TXNRD3: variants seen among roughly 807,000 people sequenced by gnomAD.
TXNRD3 encodes the protein thioredoxin reductase 3.
In TXNRD3, 68 loss-of-function variants were observed where a neutral mutation model predicts 78.2. The ratio of observed to expected loss-of-function variants is 0.87; its 90% CI spans 0.72 to 1.06. The LOEUF is 1.06. Ranked by LOEUF, TXNRD3 falls within the 50% of genes least tolerant of loss-of-function variation. The probability of loss-of-function intolerance (pLI) is 0.00; values close to 1 mark genes in which losing one functional copy is unlikely to be tolerated. For synonymous variants in TXNRD3, 296 were observed against 300.1 expected (o/e 0.99, Z 0.14); for missense variants, 751 against 809.5 (o/e 0.93, Z 0.88).
intron 13 of TXNRD3, among the ~76,000 whole-genome samples, chr3:126,612,719 T>C (rs1161069320): frequency 6.6e-6 from 1 of 152,222 alleles, no homozygotes; most frequent in Non-Finnish European, 1.5e-5. Flanking sequence ...TTGTCAAATG[T>C]GGTTTTTCCT....
chr3:126,620,640 C>T (rs1938429300), intron 12 of TXNRD3, among the ~76,000 whole-genome samples: 1 of 152,168 alleles, frequency 6.6e-6, no homozygotes, highest in African/African-American at 2.4e-5. Context: ...TTTTACTACT[C>T]TTTCTGTCTT....
In TXNRD3 at chr3:126,634,622, G is replaced by A. The variant is rs547506364; in HGVS notation, c.713-571C>T. Among the ~76,000 whole-genome samples, 93 of 152,062 alleles carry A rather than the reference G, an allele frequency of 6.1e-4. 1 individual carries two copies. The highest frequency in any genetic ancestry group is 9.9e-4 in the Non-Finnish European group (67 of 67,998). On this transcript the variant is annotated intron_variant, in intron 6 of 15. Coordinates refer to ENST00000524230, the MANE Select transcript of TXNRD3 (RefSeq NM_052883.3). ...TCCTTTGGAAGGTGGGGCAGGATTC[G>A]GGTGTTGGAATTCCACGTCATCCCT...
chr3:126,634,429 C>T (rs1228578139), intron 6 of TXNRD3, among the ~76,000 whole-genome samples: 1 of 152,190 alleles, frequency 6.6e-6, no homozygotes, highest in Non-Finnish European at 1.5e-5. Flanking sequence ...GGGAAGAAGG[C>T]CTCAAGTCAG....
In TXNRD3 at chr3:126,622,528, T is replaced by C. The variant is rs1255246821; in HGVS notation, c.1303A>G (p.Ile435Val). 2 of 1,531,222 alleles carry C rather than the reference T, an allele frequency of 1.3e-6. No individual in the cohort carries two copies. The highest frequency in any genetic ancestry group is 1.7e-6 in the Non-Finnish European group (2 of 1,145,760). The allele number at this position is 1,531,222 out of a possible 1,614,324, so 94.9% of individuals were successfully genotyped here. A position where few individuals can be genotyped will look rare whatever the true frequency, so the allele number is the denominator to read the frequency against. Residue 435 changes from isoleucine (I) to valine (V), a missense_variant, in exon 11 of 16, where the codon ATT becomes GTT. Ile to Val is a conservative substitution (Grantham distance 29, BLOSUM62 3). Coordinates refer to ENST00000524230, the MANE Select transcript of TXNRD3 (RefSeq NM_052883.3). ...TTCCTTGTACAGGAGTCACGACCAA[T>C]AGCTAACAAAACCTGCATTTGCAGA...
intron 1 of TXNRD3, among the ~76,000 whole-genome samples, chr3:126,647,528 T>C (rs992244274): frequency 2.6e-5 from 4 of 152,174 alleles, no homozygotes; most frequent in Admixed American, 1.3e-4. Flanking sequence ...CTTTCAAATC[T>C]ACAACTTTGG....
At chr3:126,645,446 A>G (rs1451004213) in intron 3 of TXNRD3, among the ~76,000 whole-genome samples, 1 of 152,238 alleles carries the variant, frequency 6.6e-6, no homozygotes, top group Non-Finnish European at 1.5e-5. Context: ...TTGTTACTGC[A>G]TAAGGATGCT....
chr3:126,651,809 T>C (rs1933397128), intron 1 of TXNRD3, among the ~76,000 whole-genome samples: 1 of 152,170 alleles, frequency 6.6e-6, no homozygotes, highest in South Asian at 2.1e-4. Context: ...TCCCCACTCC[T>C]ATTACTAATA....
chr3:126,630,069 T>C (rs1184255718), intron 9 of TXNRD3, among the ~76,000 whole-genome samples: 2 of 152,078 alleles, frequency 1.3e-5, no homozygotes, highest in East Asian at 1.9e-4. Flanking sequence ...AGTCTGTAGG[T>C]TGAGTAGCTG....
At chr3:126,629,108 A>G (rs1298826781) in intron 10 of TXNRD3, among the ~76,000 whole-genome samples, 2 of 152,134 alleles carry the variant, frequency 1.3e-5, no homozygotes, top group Admixed American at 1.3e-4. Context: ...AATGTATAAA[A>G]TATCTAATTT....
Position 126,646,102 on chromosome 3 carries a change from T to C in TXNRD3, c.414+9A>G. The C allele has an allele frequency of 6.6e-7, 1 of 1,510,070 alleles. No individual in the cohort carries two copies. Among genetic ancestry groups the C allele is most frequent in the Non-Finnish European group, 8.8e-7 (1 of 1,133,330 alleles). 93.5% of individuals were successfully genotyped at this position (1,510,070 alleles called of 1,614,324 possible). A position where few individuals can be genotyped will look rare whatever the true frequency, so the allele number is the denominator to read the frequency against. Reference sequence around the variant, plus strand: ...AACAGCATTGAAGAACATATAATAGTATTATTACCTGGAAAGTTTGGTCAC... The same window carrying C: ...AACAGCATTGAAGAACATATAATAGCATTATTACCTGGAAAGTTTGGTCAC... On this transcript the variant is annotated intron_variant, in intron 3 of 15. Coordinates refer to ENST00000524230, the MANE Select transcript of TXNRD3 (RefSeq NM_052883.3).
rs1938090911 is a variant in TXNRD3, at chr3:126,607,973, C to A, written c.1864G>T (p.Val622Leu). ...TTTGTGATTTCCAAAGTCGTGAACA[C>A]CTGTTCAAGAGAAAGAAAACAAATA... The change falls in exon 16 of 16, where the codon GTG (valine) becomes TTG (leucine). Residue 622 changes from valine (V) to leucine (L), a missense_variant and splice_region_variant. Physicochemically the swap from Val to Leu is conservative, Grantham distance 32. Coordinates refer to ENST00000524230, the MANE Select transcript of TXNRD3 (RefSeq NM_052883.3). The A allele has an allele frequency of 6.7e-7, 1 of 1,497,662 alleles. No individual in the cohort carries two copies. Among genetic ancestry groups the A allele is most frequent in the South Asian group, 1.3e-5 (1 of 78,586 alleles). The allele number at this position is 1,497,662 out of a possible 1,614,324, so 92.8% of individuals were successfully genotyped here.
chr3:126,652,125 T>A (rs1159082860), intron 1 of TXNRD3, among the ~76,000 whole-genome samples: 1 of 152,146 alleles, frequency 6.6e-6, no homozygotes, highest in African/African-American at 2.4e-5. Context: ...ACAGGAAGCA[T>A]GATACTGGCA....
intron 13 of TXNRD3, among the ~76,000 whole-genome samples, chr3:126,613,635 T>C (rs1180499255): frequency 6.6e-6 from 1 of 152,232 alleles, no homozygotes; most frequent in Non-Finnish European, 1.5e-5. Context: ...AACATTAAAA[T>C]GGAGCTGAAA....
chr3:126,614,159 C>G (rs61279073), intron 13 of TXNRD3, among the ~76,000 whole-genome samples: 5 of 152,156 alleles, frequency 3.3e-5, no homozygotes, highest in Middle Eastern at 3.4e-3. Flanking sequence ...TTATTTTGTA[C>G]AGCTCTACAA....
intron 6 of TXNRD3, among the ~76,000 whole-genome samples, chr3:126,640,866 T>TAA (rs74393581): frequency 1.3e-4 from 17 of 128,912 alleles, no homozygotes; most frequent in Admixed American, 2.4e-4. Context: ...GTAACTTGTG[T>TAA]AAAAAAAAAA....
chr3:126,642,911 A>T (rs1469021134), intron 5 of TXNRD3, among the ~76,000 whole-genome samples: 2 of 152,242 alleles, frequency 1.3e-5, no homozygotes, highest in African/African-American at 2.4e-5. Context: ...GACACACTTG[A>T]GTTGGGTAAC....
At chr3:126,651,814 C>G (rs969250306) in intron 1 of TXNRD3, among the ~76,000 whole-genome samples, 5 of 152,146 alleles carry the variant, frequency 3.3e-5, no homozygotes, top group African/African-American at 1.2e-4. Context: ...ACTCCTATTA[C>G]TAATATCAAT....
At chr3:126,629,251 G>T in intron 10 of TXNRD3, 128 bp downstream of exon 10, 1 of 687,130 alleles carries the variant, frequency 1.5e-6, no homozygotes, top group Non-Finnish European at 2.3e-6. Flanking sequence ...TATCTTCTAT[G>T]ATAATGCTCT....
chr3:126,639,429 A>C (rs995801315), intron 6 of TXNRD3, among the ~76,000 whole-genome samples: 4 of 152,038 alleles, frequency 2.6e-5, no homozygotes, highest in African/African-American at 9.7e-5. Context: ...CCAGTCCCCC[A>C]TGTGCTGTGC....
Sources: allele counts gnomAD v4.1 joint callset (sites outside exome capture counted in the v4.1 genomes callset), GRCh38; gene constraint gnomAD v4.1.1; transcripts MANE v1.5; gene names NCBI Gene and HGNC (gene_info 2026-07-23, HGNC 2026-07-21).